FNDC3B: variants seen among roughly 807,000 people sequenced by gnomAD.
FNDC3B encodes the protein fibronectin type III domain containing 3B.
FNDC3B carries 12 observed loss-of-function variants against 151.5 expected under a neutral mutation model. The ratio of observed to expected loss-of-function variants is 0.08; its 90% CI spans 0.05 to 0.13. FNDC3B has a LOEUF of 0.13. FNDC3B is among the 10% of genes least tolerant of loss of function. The pLI, the probability that FNDC3B is intolerant of heterozygous loss-of-function variation, is 1.00. For missense variants in FNDC3B, 1,214 were observed against 1,505.3 expected (o/e 0.81, Z 3.20); for synonymous variants, 528 against 549.0 (o/e 0.96, Z 0.54).
intron 23 of FNDC3B, among the ~76,000 whole-genome samples, chr3:172,374,344 A>C (rs1192660486): frequency 6.6e-6 from 1 of 152,174 alleles, no homozygotes; most frequent in Non-Finnish European, 1.5e-5. Flanking sequence ...ACTAACACAT[A>C]TTGAGTTATT....
At chr3:172,308,594 C>T (rs1731309918) in intron 10 of FNDC3B, among the ~76,000 whole-genome samples, 1 of 152,202 alleles carries the variant, frequency 6.6e-6, no homozygotes. Context: ...AGCAGCAAAG[C>T]ATGGGCCTCA....
chr3:172,118,681 A>G (rs1043978963), intron 2 of FNDC3B, among the ~76,000 whole-genome samples: 11 of 152,220 alleles, frequency 7.2e-5, no homozygotes, highest in Non-Finnish European at 1.5e-4. Flanking sequence ...ATGGAAAACC[A>G]AGTATGGGGA....
chr3:172,322,507 G>T (rs1448289038), intron 11 of FNDC3B, among the ~76,000 whole-genome samples: 1 of 152,210 alleles, frequency 6.6e-6, no homozygotes, highest in Non-Finnish European at 1.5e-5. Context: ...GGGAATCACA[G>T]AATTTTTAGA....
intron 11 of FNDC3B, among the ~76,000 whole-genome samples, chr3:172,312,449 A>G (rs1290162396): frequency 6.6e-6 from 1 of 152,206 alleles, no homozygotes; most frequent in Non-Finnish European, 1.5e-5. Flanking sequence ...AGAAACTCGA[A>G]TGACCTGTGA....
rs1253723950 is a variant in FNDC3B at position 172,401,627 on chromosome 3, C to T, written c.*4152C>T. The T allele has an allele frequency of 6.6e-6, 1 of 152,214 alleles. No homozygotes were observed. Among genetic ancestry groups the T allele is most frequent in the Non-Finnish European group, 1.5e-5 (1 of 68,064 alleles). 9.4% of individuals were successfully genotyped at this position (152,214 alleles called of 1,614,324 possible). A position where few individuals can be genotyped will look rare whatever the true frequency, so the allele number is the denominator to read the frequency against. The stretch of plus-strand genomic sequence containing the variant: ...CTTTCCTGCAGGTCTCATTCAACAA[C>T]AACAACAACAACAGCAATAAAACAC... On this transcript the variant is annotated 3_prime_UTR_variant, in exon 26 of 26. Coordinates refer to ENST00000415807, the MANE Select transcript of FNDC3B (RefSeq NM_022763.4).
rs1409959848 is a variant in FNDC3B, at chr3:172,401,467, A to G, written c.*3992A>G. 6.6e-6 allele frequency: 1 copy of G among 152,222 alleles called. No homozygotes were observed. Among genetic ancestry groups the G allele is most frequent in the East Asian group, 1.9e-4 (1 of 5,194 alleles). 9.4% of individuals were successfully genotyped at this position (152,222 alleles called of 1,614,324 possible). Reference sequence around the variant, plus strand: ...CAGGCTGCCAGTTTAATCCTTTATCAGAGTCTCTGTGGATAATGTACCTTG... The same window carrying G: ...CAGGCTGCCAGTTTAATCCTTTATCGGAGTCTCTGTGGATAATGTACCTTG... On this transcript the variant is annotated 3_prime_UTR_variant, in exon 26 of 26. Transcript: ENST00000415807.
chr3:172,279,804 A>G (rs1729611459), intron 6 of FNDC3B, among the ~76,000 whole-genome samples: 1 of 152,150 alleles, frequency 6.6e-6, no homozygotes, highest in Admixed American at 6.5e-5. Flanking sequence ...GTATGCGCTT[A>G]TTGATTCCTC....
At chr3:172,177,624 A>ATCTTTTTTTTTTTTT (rs1723666200) in intron 3 of FNDC3B, among the ~76,000 whole-genome samples, 1 of 55,676 alleles carries the variant, frequency 1.8e-5, no homozygotes, top group Non-Finnish European at 3.7e-5. Flanking sequence ...TTTTACCACC[A>ATCTTTTTTTTTTTTT]TCTTTTTTTT....
intron 25 of FNDC3B, among the ~76,000 whole-genome samples, chr3:172,382,499 T>C (rs1014887529): frequency 1.3e-5 from 2 of 152,234 alleles, no homozygotes; most frequent in African/African-American, 4.8e-5. Flanking sequence ...ATTTTGGCTT[T>C]TGTTGCCATT....
intron 23 of FNDC3B, among the ~76,000 whole-genome samples, chr3:172,372,463 CTATATATACAT>C (rs1734928615): frequency 6.6e-6 from 1 of 152,164 alleles, no homozygotes. Context: ...CCAGGAACCG[CTATATATACAT>C]TATTCCTTGT....
At chr3:172,094,769 C>T (rs942366745) in intron 1 of FNDC3B, among the ~76,000 whole-genome samples, 1 of 151,586 alleles carries the variant, frequency 6.6e-6, no homozygotes, top group Middle Eastern at 3.4e-3. Context: ...TGTTCCCCAT[C>T]TCTTATGGGT....
chr3:172,390,332 C>G (rs922952849), intron 25 of FNDC3B, among the ~76,000 whole-genome samples: 3 of 152,112 alleles, frequency 2.0e-5, no homozygotes, highest in Non-Finnish European at 2.9e-5. Flanking sequence ...AGAAAGTTCC[C>G]TTCAGTTAAC....
chr3:172,117,766 A>T (rs1250730426), intron 2 of FNDC3B, among the ~76,000 whole-genome samples: 3 of 152,244 alleles, frequency 2.0e-5, no homozygotes, highest in African/African-American at 7.2e-5. Flanking sequence ...CATTTAGCAT[A>T]TGGAGGACAT....
At chr3:172,074,265 C>T (rs143192549) in intron 1 of FNDC3B, among the ~76,000 whole-genome samples, 6 of 152,242 alleles carry the variant, frequency 3.9e-5, no homozygotes, top group South Asian at 2.1e-4. Context: ...TCCACAATTC[C>T]GCTAGGCTAG....
intron 11 of FNDC3B, among the ~76,000 whole-genome samples, chr3:172,323,789 G>C (rs148246235): frequency 6.6e-6 from 1 of 152,084 alleles, no homozygotes; most frequent in Non-Finnish European, 1.5e-5. Flanking sequence ...GGACCCTGTA[G>C]GAACAAGAAC....
At chr3:172,087,247 C>T (rs1223127384) in intron 1 of FNDC3B, among the ~76,000 whole-genome samples, 1 of 152,144 alleles carries the variant, frequency 6.6e-6, no homozygotes, top group Non-Finnish European at 1.5e-5. Context: ...TATAAACTAT[C>T]AGCTTGACCG....
At chr3:172,353,455 G>C (rs1232960174) in intron 22 of FNDC3B, among the ~76,000 whole-genome samples, 2 of 152,108 alleles carry the variant, frequency 1.3e-5, no homozygotes, top group Non-Finnish European at 1.5e-5. Flanking sequence ...CTTAAATGAT[G>C]GTAAAACTTT....
chr3:172,244,063 T>G (rs993119651), intron 4 of FNDC3B, among the ~76,000 whole-genome samples: 2 of 152,250 alleles, frequency 1.3e-5, no homozygotes, highest in Non-Finnish European at 1.5e-5. Context: ...TAACAGCACT[T>G]ACTAGGACTT....
chr3:172,061,602 TTTTC>T (rs1185802484), intron 1 of FNDC3B, among the ~76,000 whole-genome samples: 20 of 152,242 alleles, frequency 1.3e-4, no homozygotes, highest in African/African-American at 4.3e-4. Context: ...AAGCAGATTC[TTTTC>T]CTAATGTGTC....
Sources: allele counts gnomAD v4.1 joint callset (sites outside exome capture counted in the v4.1 genomes callset), GRCh38; gene constraint gnomAD v4.1.1; transcripts MANE v1.5; gene names NCBI Gene and HGNC (gene_info 2026-07-23, HGNC 2026-07-21).